The following ASZ1 variants were observed in gnomAD, a reference collection of about 807,000 sequenced individuals.
ASZ1 encodes the protein ankyrin repeat, SAM and basic leucine zipper domain-containing protein 1.
ASZ1 carries 67 observed loss-of-function variants against 61.8 expected under a neutral mutation model. The ratio of observed to expected loss-of-function variants is 1.08; its 90% confidence interval spans 0.89 to 1.33. ASZ1 has a LOEUF of 1.33. Ranked by LOEUF, ASZ1 falls within the 40% of genes most tolerant of loss-of-function variation. The pLI, the probability that ASZ1 is intolerant of heterozygous loss-of-function variation, is 0.00. For missense variants in ASZ1, 577 were observed against 554.5 expected (o/e 1.04, Z -0.41); for synonymous variants, 193 against 192.7 (o/e 1.00, Z -0.01).
At chr7:117,391,569 C>G (rs971919764) in intron 4 of ASZ1, among the ~76,000 whole-genome samples, 1 of 152,096 alleles carries the variant, frequency 6.6e-6, no homozygotes, top group Non-Finnish European at 1.5e-5. Flanking sequence ...GGTATCCTTT[C>G]CCCACTGTTT....
intron 4 of ASZ1, among the ~76,000 whole-genome samples, chr7:117,409,974 T>G (rs1361068399): frequency 6.6e-6 from 1 of 151,826 alleles, no homozygotes; most frequent in Non-Finnish European, 1.5e-5. Flanking sequence ...CTTTTGGGAT[T>G]ACACATTTAT....
At chr7:117,406,928 C>G (rs2116511864) in intron 4 of ASZ1, among the ~76,000 whole-genome samples, 1 of 151,966 alleles carries the variant, frequency 6.6e-6, no homozygotes, top group East Asian at 1.9e-4. Flanking sequence ...GTTATAATCT[C>G]TAGGGTAGCC....
intron 4 of ASZ1, among the ~76,000 whole-genome samples, chr7:117,412,608 G>A (rs58707615): frequency 0.033 from 5,056 of 151,676 alleles, 117 homozygotes; most frequent in African/African-American, 0.038. Context: ...CAATGACTAC[G>A]TCAAAACCTA....
Position 117,395,620 on chromosome 7 carries a change from C to T in ASZ1, c.441-9811G>A, listed in dbSNP as rs111992080. On this transcript the variant is annotated intron_variant, in intron 4 of 12. Transcript: ENST00000284629. ...AATCAAATTGTAATCTCAAGCTTTTCGTTTCTTGTGAGTTGGAAACCAAAT... is the reference window on the plus strand; with the variant it reads ...AATCAAATTGTAATCTCAAGCTTTTTGTTTCTTGTGAGTTGGAAACCAAAT... Among the ~76,000 whole-genome samples, 303 of 152,080 alleles carry T rather than the reference C, an allele frequency of 2.0e-3. 3 individuals are homozygous for T. The highest frequency in any genetic ancestry group is 7.2e-3 in the African/African-American group (297 of 41,510).
intron 11 of ASZ1, 87 bp downstream of exon 11, chr7:117,368,525 A>G: frequency 6.6e-7 from 1 of 1,521,246 alleles, no homozygotes; most frequent in Non-Finnish European, 8.8e-7. Context: ...TCAGCAAATC[A>G]ATACTATTTA....
At chr7:117,418,162 C>A (rs1349280658) in intron 4 of ASZ1, among the ~76,000 whole-genome samples, 2 of 151,844 alleles carry the variant, frequency 1.3e-5, no homozygotes, top group East Asian at 1.9e-4. Context: ...TAGAGGCAGT[C>A]GGAAAAAAAG....
intron 12 of ASZ1, among the ~76,000 whole-genome samples, chr7:117,364,134 A>ATT (rs1795886117): frequency 6.6e-6 from 1 of 152,358 alleles, no homozygotes; most frequent in Admixed American, 6.5e-5. Flanking sequence ...AAAGTGAATC[A>ATT]TTATTATAGC....
Position 117,405,382 on chromosome 7 carries a change from C to G in ASZ1, c.440+14781G>C, listed in dbSNP as rs565041224. Among the ~76,000 whole-genome samples the G allele has an allele frequency of 3.9e-5, 6 of 152,358 alleles. No homozygotes were observed. The East Asian group carries it at 1.2e-3, about 29-fold the overall frequency. On this transcript the variant is annotated intron_variant, in intron 4 of 12. Coordinates refer to ENST00000284629, the MANE Select transcript of ASZ1 (RefSeq NM_130768.3). Reference sequence around the variant, plus strand: ...CAGCTTGTCTTGTAACTGATGCACCCTTGCCTGTGCAGTGACCTCAGCCTC... The same window carrying G: ...CAGCTTGTCTTGTAACTGATGCACCGTTGCCTGTGCAGTGACCTCAGCCTC...
chr7:117,383,716 AT>A (rs139872906), intron 6 of ASZ1, among the ~76,000 whole-genome samples: 1 of 152,164 alleles, frequency 6.6e-6, no homozygotes, highest in African/African-American at 2.4e-5. Flanking sequence ...TCAATAAATG[AT>A]TTATGACTCA....
At chr7:117,399,807 ATATACT>A (rs537099395) in intron 4 of ASZ1, among the ~76,000 whole-genome samples, 76 of 152,304 alleles carry the variant, frequency 5.0e-4, no homozygotes, top group African/African-American at 1.7e-3. Context: ...AATGCCGTAA[ATATACT>A]TAAACCATTG....
At chr7:117,364,345 T>A (rs891328719) in intron 12 of ASZ1, among the ~76,000 whole-genome samples, 16 of 152,086 alleles carry the variant, frequency 1.1e-4, no homozygotes, top group African/African-American at 2.9e-4. Context: ...AGCTCCCTTC[T>A]CCCCTACCTA....
At chr7:117,407,311 A>G (rs569249704) in intron 4 of ASZ1, among the ~76,000 whole-genome samples, 1 of 152,222 alleles carries the variant, frequency 6.6e-6, no homozygotes, top group South Asian at 2.1e-4. Flanking sequence ...ACACTTCATA[A>G]AGGTAAAAGG....
intron 4 of ASZ1, among the ~76,000 whole-genome samples, chr7:117,395,648 A>G (rs1796562457): frequency 6.6e-6 from 1 of 152,248 alleles, no homozygotes; most frequent in African/African-American, 2.4e-5. Flanking sequence ...AACCAAATGA[A>G]GTTTGCACAT....
At chr7:117,410,662 A>C (rs1400531661) in intron 4 of ASZ1, among the ~76,000 whole-genome samples, 1 of 151,556 alleles carries the variant, frequency 6.6e-6, no homozygotes. Context: ...TAAATTATAA[A>C]CTCATACACT....
chr7:117,413,619 G>T (rs1245531756), intron 4 of ASZ1, among the ~76,000 whole-genome samples: 2 of 151,860 alleles, frequency 1.3e-5, no homozygotes, highest in Non-Finnish European at 2.9e-5. Context: ...CTTTCAAGTT[G>T]TAAGTTTTTA....
intron 2 of ASZ1, among the ~76,000 whole-genome samples, chr7:117,425,024 G>A (rs538611340): frequency 1.6e-4 from 24 of 152,252 alleles, no homozygotes; most frequent in Admixed American, 5.9e-4. Flanking sequence ...CTTAGTCAAG[G>A]TTACAAAGCC....
chr7:117,391,029 G>C (rs1319671288), intron 4 of ASZ1, among the ~76,000 whole-genome samples: 5 of 152,010 alleles, frequency 3.3e-5, no homozygotes, highest in African/African-American at 1.2e-4. Flanking sequence ...CCATTCTGAA[G>C]GGTGTGAGAT....
At chr7:117,427,069 A>G in intron 1 of ASZ1, 134 bp from the exon 2 acceptor site, 1 of 1,044,112 alleles carries the variant, frequency 9.6e-7, no homozygotes, top group Non-Finnish European at 1.4e-6. Context: ...CAAAGTTTGA[A>G]AAGAATTCGT....
intron 2 of ASZ1, among the ~76,000 whole-genome samples, chr7:117,423,689 CAAAAAAAA>C (rs60144830): frequency 1.3e-4 from 10 of 76,484 alleles, no homozygotes; most frequent in African/African-American, 5.0e-4. Flanking sequence ...ACTAAAAATA[CAAAAAAAA>C]AAAAAAAAAA....
Sources: gnomAD v4.1 joint callset for allele counts (sites outside exome capture counted in the v4.1 genomes callset) on GRCh38, gnomAD v4.1.1 for gene constraint, MANE v1.5 for transcripts, NCBI Gene and HGNC (gene_info 2026-07-23, HGNC 2026-07-21) for gene names.